VPS13B: variants seen among roughly 807,000 people sequenced by gnomAD.
The protein encoded by VPS13B is vacuolar protein sorting 13 homolog B.
In VPS13B, 285 loss-of-function variants were observed where a neutral mutation model predicts 426.4. The observed-to-expected ratio is 0.67, with a 90% CI of 0.61 to 0.74. VPS13B has a LOEUF of 0.74. Ranked by LOEUF, VPS13B falls within the 30% of genes least tolerant of loss-of-function variation. The pLI, the probability that VPS13B is intolerant of heterozygous loss-of-function variation, is 0.00. For missense variants in VPS13B, 4,537 were observed against 4,782.6 expected (o/e 0.95, Z 1.51); for synonymous variants, 1,676 against 1,676.4 (o/e 1.00, Z 0.01).
chr8:99,124,848 C>T (rs982825559), intron 8 of VPS13B, among the ~76,000 whole-genome samples: 2 of 143,660 alleles, frequency 1.4e-5, no homozygotes, highest in African/African-American at 5.3e-5. Context: ...CGCCATTGCA[C>T]TCCAGCCTGG....
Position 99,094,913 on chromosome 8 carries a change from G to T in VPS13B, c.292-1399G>T, listed in dbSNP as rs570829906. ...AGCTACCCTTTGTGTTGGTATCTTT[G>T]ATCTCTCACTCCACATGTGCATCTT... On this transcript the variant is annotated intron_variant, in intron 3 of 61. Coordinates refer to ENST00000357162, the MANE Select transcript of VPS13B (RefSeq NM_152564.5). Among the ~76,000 whole-genome samples the T allele has an allele frequency of 3.9e-5, 6 of 152,190 alleles. No individual in the cohort carries two copies. The East Asian group carries it at 1.2e-3, about 29-fold the overall frequency.
At chr8:99,769,170 C>A (rs1341472693) in intron 40 of VPS13B, among the ~76,000 whole-genome samples, 1 of 152,140 alleles carries the variant, frequency 6.6e-6, no homozygotes, top group African/African-American at 2.4e-5. Flanking sequence ...TTGTCCTCAC[C>A]AGGGATTTTT....
intron 16 of VPS13B, among the ~76,000 whole-genome samples, chr8:99,175,288 A>T (rs72672309): frequency 1.3e-5 from 2 of 152,048 alleles, no homozygotes; most frequent in Non-Finnish European, 2.9e-5. Flanking sequence ...GAACTGTGTG[A>T]GTTCAGTTTC....
intron 35 of VPS13B, 42 bp downstream of exon 35, chr8:99,661,533 G>C (rs770158397): frequency 6.2e-7 from 1 of 1,602,312 alleles, no homozygotes. Context: ...CATTTTTTAT[G>C]TGAATATATT....
chr8:99,266,775 C>G (rs565642739), intron 17 of VPS13B, among the ~76,000 whole-genome samples: 19 of 152,282 alleles, frequency 1.2e-4, no homozygotes, highest in Non-Finnish European at 2.6e-4. Context: ...CTTTGCTTAG[C>G]TCTTCTCCCT....
intron 17 of VPS13B, among the ~76,000 whole-genome samples, chr8:99,242,879 A>G (rs962399030): frequency 2.0e-5 from 3 of 152,110 alleles, no homozygotes; most frequent in African/African-American, 4.8e-5. Flanking sequence ...TTTTTCTTCA[A>G]TGGTAGGCAT....
intron 16 of VPS13B, among the ~76,000 whole-genome samples, chr8:99,186,397 T>G (rs1479825962): frequency 6.6e-6 from 1 of 152,112 alleles, no homozygotes. Context: ...AATAAAGTTG[T>G]AAAAGCTGTT....
chr8:99,267,463 C>T (rs1818365057), intron 17 of VPS13B, among the ~76,000 whole-genome samples: 1 of 152,140 alleles, frequency 6.6e-6, no homozygotes, highest in African/African-American at 2.4e-5. Flanking sequence ...GACACGATGG[C>T]TCATGCCTGT....
intron 3 of VPS13B, among the ~76,000 whole-genome samples, chr8:99,071,580 T>C (rs888390649): frequency 5.9e-5 from 9 of 152,122 alleles, no homozygotes; most frequent in African/African-American, 1.9e-4. Context: ...GTGTGGCTAC[T>C]GTTGTTGTTC....
chr8:99,486,880 A>G lies in VPS13B; in HGVS notation c.3870+5078A>G, dbSNP rs972966985. On this transcript the variant is annotated intron_variant, in intron 25 of 61. Coordinates refer to ENST00000357162, the MANE Select transcript of VPS13B (RefSeq NM_152564.5). The stretch of plus-strand genomic sequence containing the variant: ...AGTTTTGCTATCGTATTAGAAAAAG[A>G]TGGTAGTCTGAAATTGGAGTTTATG... 2.0e-5 allele frequency among the ~76,000 whole-genome samples: 3 copies of G among 152,142 alleles called. No homozygotes were observed. The East Asian group carries it at 5.8e-4, about 29-fold the overall frequency.
chr8:99,313,395 C>G (rs191899456), intron 19 of VPS13B, among the ~76,000 whole-genome samples: 2 of 152,302 alleles, frequency 1.3e-5, no homozygotes, highest in East Asian at 1.9e-4. Flanking sequence ...CAGTCAGGAC[C>G]TTCAGCTGCA....
chr8:99,172,855 T>C (rs1299904711), intron 16 of VPS13B, among the ~76,000 whole-genome samples: 1 of 152,152 alleles, frequency 6.6e-6, no homozygotes, highest in Admixed American at 6.6e-5. Flanking sequence ...GCCATCTGTG[T>C]ACTGCTTGAA....
At chr8:99,312,482 T>C (rs559199215) in intron 19 of VPS13B, among the ~76,000 whole-genome samples, 2 of 152,354 alleles carry the variant, frequency 1.3e-5, no homozygotes, top group Admixed American at 1.3e-4. Context: ...TCTTTAAGAA[T>C]GTTGAATATT....
chr8:99,657,470 T>TTGTGTGTGTGTGTGTGTGTGTGTG (rs34355540), intron 34 of VPS13B, among the ~76,000 whole-genome samples: 12 of 147,010 alleles, frequency 8.2e-5, no homozygotes, highest in African/African-American at 1.5e-4. Flanking sequence ...ACTTTAAAAA[T>TTGTGTGTGTGTGTGTGTGTGTGTG]TGTGTGTGTG....
intron 19 of VPS13B, among the ~76,000 whole-genome samples, chr8:99,374,199 T>C (rs907941113): frequency 6.6e-6 from 1 of 151,776 alleles, no homozygotes; most frequent in African/African-American, 2.4e-5. Flanking sequence ...TTTTTTTCTG[T>C]GTTTGGTTTT....
At chr8:99,225,968 A>G (rs1052028243) in intron 17 of VPS13B, among the ~76,000 whole-genome samples, 2 of 151,592 alleles carry the variant, frequency 1.3e-5, no homozygotes, top group African/African-American at 4.9e-5. Flanking sequence ...TTTTTGAGAC[A>G]GAGTCTCGCT....
intron 4 of VPS13B, among the ~76,000 whole-genome samples, chr8:99,096,853 G>C (rs937765762): frequency 2.0e-5 from 3 of 151,884 alleles, no homozygotes; most frequent in Non-Finnish European, 4.4e-5. Context: ...ATATGTACTT[G>C]CTACATGACT....
intron 19 of VPS13B, among the ~76,000 whole-genome samples, chr8:99,342,478 A>G (rs1326823730): frequency 6.6e-6 from 1 of 151,768 alleles, no homozygotes; most frequent in Non-Finnish European, 1.5e-5. Flanking sequence ...TTTCACATAC[A>G]TGTGAGATCA....
At chr8:99,034,946 G>T (rs140339696) in intron 2 of VPS13B, among the ~76,000 whole-genome samples, 16 of 152,292 alleles carry the variant, frequency 1.1e-4, no homozygotes, top group African/African-American at 3.8e-4. Flanking sequence ...TGCAATCCCA[G>T]CACTTTGAGA....
Sources: allele counts gnomAD v4.1 joint callset (sites outside exome capture counted in the v4.1 genomes callset), GRCh38; gene constraint gnomAD v4.1.1; transcripts MANE v1.5; gene names NCBI Gene and HGNC (gene_info 2026-07-23, HGNC 2026-07-21).